ITFG1: variants seen among roughly 807,000 people sequenced by gnomAD.
The protein encoded by ITFG1 is integrin alpha FG-GAP repeat containing 1.
ITFG1 carries 34 observed loss-of-function variants against 81.8 expected under a neutral mutation model. The observed-to-expected ratio is 0.42, with a 90% CI of 0.32 to 0.55. The LOEUF (loss-of-function observed/expected upper bound fraction) is 0.55. Ranked by LOEUF, ITFG1 falls within the 20% of genes least tolerant of loss-of-function variation. The pLI, the probability that ITFG1 is intolerant of heterozygous loss-of-function variation, is 0.17. For synonymous variants in ITFG1, 285 were observed against 270.6 expected (o/e 1.05, Z -0.52); for missense variants, 672 against 755.4 (o/e 0.89, Z 1.29).
chr16:47,439,096 C>T (rs563758946), intron 5 of ITFG1, among the ~76,000 whole-genome samples: 2 of 151,744 alleles, frequency 1.3e-5, no homozygotes, highest in African/African-American at 2.4e-5. Flanking sequence ...CGATGGAAGA[C>T]GAAATGAATG....
At chr16:47,459,486 C>A (rs905577051) in intron 1 of ITFG1, among the ~76,000 whole-genome samples, 2 of 152,154 alleles carry the variant, frequency 1.3e-5, no homozygotes, top group Non-Finnish European at 2.9e-5. Flanking sequence ...TATAAAGATG[C>A]CTTATAACTA....
Position 47,277,519 on chromosome 16 carries a change from C to T in ITFG1, c.1071-16824G>A, listed in dbSNP as rs1352152591. 3.3e-5 allele frequency among the ~76,000 whole-genome samples: 5 copies of T among 152,318 alleles called. No individual in the cohort carries two copies. The East Asian group carries it at 7.7e-4, about 23-fold the overall frequency. On this transcript the variant is annotated intron_variant, in intron 10 of 17. Coordinates refer to ENST00000320640, the MANE Select transcript of ITFG1 (RefSeq NM_030790.5). ...GACTGTATTTATTGAAAAAATTCCACATAAGTGCATCAGCAGAGTTCAAAC... is the reference window on the plus strand; with the variant it reads ...GACTGTATTTATTGAAAAAATTCCATATAAGTGCATCAGCAGAGTTCAAAC...
At chr16:47,409,406 T>TA (rs59928420) in intron 6 of ITFG1, among the ~76,000 whole-genome samples, 16 of 11,668 alleles carry the variant, frequency 1.4e-3, no homozygotes, top group African/African-American at 2.9e-3. Flanking sequence ...ATATATATAT[T>TA]TTTTTTTTTT....
chr16:47,311,219 C>T lies in ITFG1; in HGVS notation c.1070+21G>A, dbSNP rs780567352. The T allele has an allele frequency of 1.9e-6, 3 of 1,565,604 alleles. No homozygotes were observed. The Admixed American group carries it at 5.4e-5, about 28-fold the overall frequency. On this transcript the variant is annotated intron_variant, in intron 10 of 17. Transcript: ENST00000320640. ...TCTCACATAGTTTACAAATATTTCT[C>T]ACTTGATTTAATTTCCTTACCTTCC... is the stretch of plus-strand genomic sequence containing the variant.
intron 5 of ITFG1, among the ~76,000 whole-genome samples, chr16:47,431,281 C>T (rs546390972): frequency 3.3e-5 from 5 of 152,266 alleles, no homozygotes; most frequent in South Asian, 4.2e-4. Flanking sequence ...AGGAGGTGGG[C>T]GGCAGGCAAG....
rs1022121917 is a variant in ITFG1 at position 47,390,498 on chromosome 16, G to A, written c.656-14558C>T. Among the ~76,000 whole-genome samples the A allele has an allele frequency of 2.2e-4, 33 of 151,978 alleles. No individual in the cohort carries two copies. The East Asian group carries it at 4.6e-3, about 21-fold the overall frequency. On this transcript the variant is annotated intron_variant, in intron 6 of 17. Coordinates refer to ENST00000320640, the MANE Select transcript of ITFG1 (RefSeq NM_030790.5). Reference sequence around the variant, plus strand: ...TATTGAGATAGAGTCTTACTCTGTCGCCCAGGCTGGAGTGCAGTGGTGCGA... The same window carrying A: ...TATTGAGATAGAGTCTTACTCTGTCACCCAGGCTGGAGTGCAGTGGTGCGA...
At chr16:47,249,282 G>C (rs756890096) in intron 12 of ITFG1, among the ~76,000 whole-genome samples, 2 of 152,052 alleles carry the variant, frequency 1.3e-5, no homozygotes, top group Non-Finnish European at 2.9e-5. Flanking sequence ...AGCTGAGTGT[G>C]GGGGTGTATT....
chr16:47,237,978 G>T lies in ITFG1; in HGVS notation c.1361C>A (p.Pro454His). The change falls in exon 13 of 18, where the codon CCT becomes CAT. Residue 454 changes from proline to histidine, a missense_variant. Transcript: ENST00000320640. ...VLSGLCSNDCPRKITPFGVNQ... is the reference protein window; with the variant it reads ...VLSGLCSNDCHRKITPFGVNQ... The stretch of plus-strand genomic sequence containing the variant: ...AAATTTACTTACTGTTATCTTACGA[G>T]GACAGTCATTAGAACACAGACCACT... 1 of 1,447,836 alleles carries T rather than the reference G, an allele frequency of 6.9e-7. No individual in the cohort carries two copies. The highest frequency in any genetic ancestry group is 1.3e-5 in the South Asian group (1 of 79,692). The allele number at this position is 1,447,836 out of a possible 1,614,324, so 89.7% of individuals were successfully genotyped here. A position where few individuals can be genotyped will look rare whatever the true frequency, so the allele number is the denominator to read the frequency against.
chr16:47,376,432 C>T (rs1048971636), intron 6 of ITFG1, among the ~76,000 whole-genome samples: 1 of 151,972 alleles, frequency 6.6e-6, no homozygotes, highest in Admixed American at 6.6e-5. Flanking sequence ...ATAGAATTGT[C>T]TTCATAAATT....
intron 10 of ITFG1, among the ~76,000 whole-genome samples, chr16:47,264,853 C>T (rs975298629): frequency 1.3e-5 from 2 of 152,102 alleles, no homozygotes; most frequent in Non-Finnish European, 2.9e-5. Flanking sequence ...CTGAGTATTA[C>T]ATTTATGTTT....
At chr16:47,185,769 C>T (rs1008172598) in intron 14 of ITFG1, among the ~76,000 whole-genome samples, 2 of 152,094 alleles carry the variant, frequency 1.3e-5, no homozygotes, top group African/African-American at 2.4e-5. Flanking sequence ...CAGAGCAGAA[C>T]TGAAGGAAAT....
intron 14 of ITFG1, among the ~76,000 whole-genome samples, chr16:47,217,110 G>C (rs1218464602): frequency 1.3e-5 from 2 of 150,886 alleles, no homozygotes; most frequent in Non-Finnish European, 2.9e-5. Context: ...TGTATGAACA[G>C]ATATGGAGAG....
In ITFG1 at chr16:47,311,374, T is replaced by C. The variant is rs1407563717; in HGVS notation, c.936A>G (p.Thr312=). The change falls in exon 10 of 18, where the codon ACA becomes ACG. Residue 312 remains threonine, a synonymous_variant. Coordinates refer to ENST00000320640, the MANE Select transcript of ITFG1 (RefSeq NM_030790.5). ...PVLQDFSNKG[T]LWGFVPFVDE... Reference sequence around the variant, plus strand: ...CCACAAATGGCACAAAGCCCCAGAGTGTGCCCTTATTGCTGAAATCTTGTA... The same window carrying C: ...CCACAAATGGCACAAAGCCCCAGAGCGTGCCCTTATTGCTGAAATCTTGTA... 1.2e-6 allele frequency: 2 copies of C among 1,613,152 alleles called. No individual in the cohort carries two copies. The highest frequency in any genetic ancestry group is 1.3e-5 in the African/African-American group (1 of 74,870).
intron 2 of ITFG1, 118 bp downstream of exon 2, chr16:47,458,981 CACAA>C (rs1209093725): frequency 8.0e-6 from 5 of 624,936 alleles, no homozygotes; most frequent in Admixed American, 2.7e-5. Context: ...ACTCATACCT[CACAA>C]ACAGTGGTTT....
chr16:47,314,565 A>G (rs562187888), intron 8 of ITFG1, among the ~76,000 whole-genome samples: 1 of 152,262 alleles, frequency 6.6e-6, no homozygotes, highest in South Asian at 2.1e-4. Flanking sequence ...AGGCCTACAG[A>G]GGTGAGGTTA....
At chr16:47,341,148 C>T (rs1967776548) in intron 8 of ITFG1, among the ~76,000 whole-genome samples, 1 of 151,834 alleles carries the variant, frequency 6.6e-6, no homozygotes, top group Non-Finnish European at 1.5e-5. Context: ...GGCATGGTAG[C>T]TTAGGCCTAT....
At chr16:47,429,110 A>G (rs1252202625) in intron 5 of ITFG1, among the ~76,000 whole-genome samples, 10 of 152,206 alleles carry the variant, frequency 6.6e-5, no homozygotes, top group Non-Finnish European at 2.9e-5. Context: ...CATTTTCATC[A>G]CACCAAAAAA....
intron 14 of ITFG1, among the ~76,000 whole-genome samples, chr16:47,168,726 C>T (rs959226149): frequency 1.3e-5 from 2 of 151,924 alleles, no homozygotes; most frequent in Non-Finnish European, 2.9e-5. Flanking sequence ...TACATTTTTG[C>T]AGAATCTAAT....
At chr16:47,385,434 C>T (rs149613708) in intron 6 of ITFG1, among the ~76,000 whole-genome samples, 8 of 152,266 alleles carry the variant, frequency 5.3e-5, no homozygotes, top group African/African-American at 1.9e-4. Flanking sequence ...CAGCATATGG[C>T]ATTTGATTAA....
Sources: allele counts gnomAD v4.1 joint callset (sites outside exome capture counted in the v4.1 genomes callset), GRCh38; gene constraint gnomAD v4.1.1; transcripts MANE v1.5; gene names NCBI Gene and HGNC (gene_info 2026-07-23, HGNC 2026-07-21).